Variants in NBAS observed in about 807,000 individuals in gnomAD.
The protein encoded by NBAS is NAG/BC035112 fusion.
In NBAS, 219 loss-of-function variants were observed where a neutral mutation model predicts 302.5. The ratio of observed to expected loss-of-function variants is 0.72; its 90% confidence interval spans 0.65 to 0.81. The LOEUF is 0.81. Ranked by LOEUF, NBAS falls within the 30% of genes least tolerant of loss-of-function variation. The pLI is 0.00. For synonymous variants in NBAS, 1,118 were observed against 1,021.6 expected (o/e 1.09, Z -1.80); for missense variants, 2,932 against 2,841.6 (o/e 1.03, Z -0.72).
intron 9 of NBAS, among the ~76,000 whole-genome samples, chr2:15,531,778 A>G (rs1663227391): frequency 1.3e-5 from 2 of 152,136 alleles, no homozygotes; most frequent in Non-Finnish European, 2.9e-5. Flanking sequence ...CTCTTCCCCC[A>G]GATACCTAAA....
intron 21 of NBAS, among the ~76,000 whole-genome samples, chr2:15,441,797 A>G (rs1678425719): frequency 6.6e-6 from 1 of 152,162 alleles, no homozygotes; most frequent in South Asian, 2.1e-4. Flanking sequence ...GCTCAAAATA[A>G]AAGGATGGAG....
chr2:15,168,388 A>G (rs1014331869), intron 51 of NBAS, among the ~76,000 whole-genome samples: 94 of 152,358 alleles, frequency 6.2e-4, no homozygotes, highest in African/African-American at 2.2e-3. Context: ...GTGAGAATTA[A>G]AGCAAGAGAA....
At chr2:15,240,269 C>T (rs1350313375) in intron 44 of NBAS, among the ~76,000 whole-genome samples, 1 of 151,858 alleles carries the variant, frequency 6.6e-6, no homozygotes, top group African/African-American at 2.4e-5. Flanking sequence ...AAGCTGCCCC[C>T]AGACCCTTCC....
At chr2:15,236,527 C>CAAAAAAAAAAAA in intron 45 of NBAS, among the ~76,000 whole-genome samples, 1 of 28,304 alleles carries the variant, frequency 3.5e-5, no homozygotes, top group Non-Finnish European at 7.5e-5. Flanking sequence ...GACCCTGTCT[C>CAAAAAAAAAAAA]AAAAAAAAAA....
intron 31 of NBAS, among the ~76,000 whole-genome samples, chr2:15,369,292 CT>C (rs1022275812): frequency 6.7e-4 from 102 of 152,222 alleles, no homozygotes; most frequent in African/African-American, 2.4e-3. Flanking sequence ...TTTTACCACT[CT>C]TTTTCCACCT....
chr2:15,379,746 T>C lies in NBAS; in HGVS notation c.3446A>G (p.Glu1149Gly). The C allele has an allele frequency of 6.2e-7, 1 of 1,614,074 alleles. No individual in the cohort carries two copies. Among genetic ancestry groups the C allele is most frequent in the Non-Finnish European group, 8.5e-7 (1 of 1,179,992 alleles). Residue 1149 changes from glutamate (E) to glycine (G), a missense_variant, in exon 30 of 52, where the codon GAA becomes GGA. Glu to Gly is a moderately conservative substitution (Grantham distance 98). Transcript: ENST00000281513. Reference protein sequence around the residue: ...GQMMHCSACSENPPAGIAHKG... With the variant: ...GQMMHCSACSGNPPAGIAHKG... ...ATGGGCTATACCAGCTGGAGGATTT[T>C]CTGAACAAGCACTGCAGTGCATCAT...
chr2:15,327,285 C>T (rs908245479), intron 38 of NBAS, among the ~76,000 whole-genome samples: 4 of 151,764 alleles, frequency 2.6e-5, no homozygotes, highest in Admixed American at 2.6e-4. Context: ...AAGAAGGAGG[C>T]TAAAGGAAAA....
chr2:14,953,103 C>T, the NBAS span, among the ~76,000 whole-genome samples: 73 of 152,304 alleles, frequency 4.8e-4, no homozygotes, highest in Admixed American at 8.5e-4. Context: ...AGAGGGAGTG[C>T]GACTCAGTCA....
intron 16 of NBAS, 38 bp downstream of exon 16, chr2:15,473,184 T>C (rs975718222): frequency 6.2e-6 from 10 of 1,606,768 alleles, no homozygotes; most frequent in Non-Finnish European, 8.5e-6. Flanking sequence ...ATTACATGAA[T>C]ATACATTTTA....
the NBAS span, among the ~76,000 whole-genome samples, chr2:15,079,530 G>A: frequency 6.6e-6 from 1 of 152,098 alleles, no homozygotes; most frequent in Admixed American, 6.5e-5. Context: ...AGGACCTCAT[G>A]GTGCTCACTG....
At chr2:15,331,828 TGGCAA>T (rs1672367442) in intron 35 of NBAS, among the ~76,000 whole-genome samples, 7 of 152,172 alleles carry the variant, frequency 4.6e-5, no homozygotes, top group Admixed American at 4.6e-4. Flanking sequence ...TAACATGCCA[TGGCAA>T]AGAAAATTTG....
the NBAS span, among the ~76,000 whole-genome samples, chr2:15,066,945 AATC>A: frequency 6.6e-6 from 1 of 152,170 alleles, no homozygotes; most frequent in Admixed American, 6.5e-5. Context: ...CAAGATAAGG[AATC>A]AACCTAAGTG....
At chr2:15,357,753 A>G (rs919401302) in intron 32 of NBAS, among the ~76,000 whole-genome samples, 4 of 152,198 alleles carry the variant, frequency 2.6e-5, no homozygotes, top group Admixed American at 2.0e-4. Flanking sequence ...GTCTTACATT[A>G]TTAACTTTAC....
chr2:15,353,446 A>C (rs1673463373), intron 34 of NBAS, 107 bp downstream of exon 34: 1 of 1,355,932 alleles, frequency 7.4e-7, no homozygotes, highest in Non-Finnish European at 1.0e-6. Flanking sequence ...TTCTTCCATA[A>C]ATTAAAATTC....
chr2:15,463,320 T>A (rs1261864593), intron 19 of NBAS, among the ~76,000 whole-genome samples: 3 of 152,150 alleles, frequency 2.0e-5, no homozygotes, highest in African/African-American at 7.2e-5. Context: ...TGACAATTAT[T>A]TCCTTTATTT....
chr2:15,305,506 C>A (rs946382107), intron 40 of NBAS, among the ~76,000 whole-genome samples: 17 of 146,568 alleles, frequency 1.2e-4, no homozygotes, highest in African/African-American at 4.3e-4. Context: ...AGGCGGAGTG[C>A]AACGGCGCGA....
rs1164380782 is a variant in NBAS, at chr2:15,534,569, G to A, written c.720C>T (p.Asn240=). 2 of 1,613,130 alleles carry A rather than the reference G, an allele frequency of 1.2e-6. No homozygotes were observed. The highest frequency in any genetic ancestry group is 3.3e-5 in the Admixed American group (2 of 60,026). Residue 240 remains asparagine, a synonymous_variant, in exon 9 of 52, where the codon AAC becomes AAT. Transcript: ENST00000281513. ...TGTGACCAGGGTGGTAAATAGCTGTGTTGATTCCATGAGGATAATGACTAC... is the reference window on the plus strand; with the variant it reads ...TGTGACCAGGGTGGTAAATAGCTGTATTGATTCCATGAGGATAATGACTAC... ...SFSSHYPHGI[N]TAIYHPGHRL...
chr2:15,221,757 A>G (rs1666958676), intron 47 of NBAS, among the ~76,000 whole-genome samples: 1 of 152,224 alleles, frequency 6.6e-6, no homozygotes, highest in Non-Finnish European at 1.5e-5. Context: ...TTCAAAGGAC[A>G]AAGAATTTTC....
intron 50 of NBAS, among the ~76,000 whole-genome samples, chr2:15,185,363 C>T (rs1665026633): frequency 6.6e-6 from 1 of 152,196 alleles, no homozygotes; most frequent in Non-Finnish European, 1.5e-5. Context: ...CTTTCCTAAC[C>T]TAGATTCGAC....
Sources: allele counts gnomAD v4.1 joint callset (sites outside exome capture counted in the v4.1 genomes callset), GRCh38; gene constraint gnomAD v4.1.1; transcripts MANE v1.5; gene names NCBI Gene and HGNC (gene_info 2026-07-23, HGNC 2026-07-21).